The following PCSK6 variants were observed in gnomAD, a reference collection of about 807,000 sequenced individuals.
PCSK6 encodes the protein proprotein convertase subtilisin/kexin type 6, also known as paired basic amino acid cleaving enzyme 4.
PCSK6 carries 85 observed loss-of-function variants against 123.3 expected under a neutral mutation model. That is an observed-to-expected ratio of 0.69 (90% confidence interval 0.58 to 0.83). The LOEUF (loss-of-function observed/expected upper bound fraction) is 0.83, where lower values mean the gene tolerates loss of function less well. Among genes scored for constraint, PCSK6 ranks in the 40% least tolerant of loss-of-function variants. PCSK6 has a pLI of 0.00. For synonymous variants in PCSK6, 508 were observed against 516.0 expected, an observed-to-expected ratio of 0.98 and a Z score of 0.21; for missense variants, 1,191 against 1,282.3, an observed-to-expected ratio of 0.93 and a Z score of 1.09.
intron 9 of PCSK6, 142 bp from the exon 10 acceptor site, chr15:101,384,567 G>A (rs894786262): frequency 5.5e-6 from 3 of 548,538 alleles, no homozygotes; most frequent in African/African-American, 3.8e-5. Context: ...TCCTTGGCAA[G>A]GGTTTATTTC....
chr15:101,316,679 G>C (rs556948671), intron 19 of PCSK6, among the ~76,000 whole-genome samples: 1 of 152,344 alleles, frequency 6.6e-6, no homozygotes, highest in East Asian at 1.9e-4. Context: ...CCCCAGGAGG[G>C]AACTGAGGAG....
chr15:101,452,819 T>G (rs2141179480), intron 1 of PCSK6, among the ~76,000 whole-genome samples: 1 of 150,780 alleles, frequency 6.6e-6, no homozygotes, highest in South Asian at 2.1e-4. Context: ...ACCGGTGGAA[T>G]TCCCCGGTGT....
intron 11 of PCSK6, among the ~76,000 whole-genome samples, chr15:101,380,283 A>T (rs1344911934): frequency 1.3e-5 from 2 of 152,242 alleles, no homozygotes; most frequent in African/African-American, 4.8e-5. Flanking sequence ...CTGCCATCTT[A>T]AAACGATTTC....
chr15:101,488,900 CGCACCG>C (rs1333481730), intron 1 of PCSK6, among the ~76,000 whole-genome samples: 9 of 150,682 alleles, frequency 6.0e-5, no homozygotes, highest in Non-Finnish European at 1.0e-4. Context: ...CCTTGGCGCG[CGCACCG>C]GGTCCGGAGC....
chr15:101,471,974 T>C (rs2057615843), intron 1 of PCSK6, among the ~76,000 whole-genome samples: 1 of 152,186 alleles, frequency 6.6e-6, no homozygotes. Context: ...ACTGAATGAA[T>C]GTATCACATT....
intron 1 of PCSK6, among the ~76,000 whole-genome samples, chr15:101,476,505 A>C (rs2057733456): frequency 6.7e-6 from 1 of 149,674 alleles, no homozygotes; most frequent in Non-Finnish European, 1.5e-5. Context: ...ACTGTTAGTG[A>C]AGAAAACCTA....
In PCSK6 at chr15:101,393,292, A is replaced by AGCCATTCTCGGTG; in HGVS notation, c.1116_1128dup (p.Tyr377HisfsTer28). On this transcript the variant is annotated frameshift_variant, in exon 8 of 22. Coordinates refer to ENST00000611716, the MANE Select transcript of PCSK6 (RefSeq NM_002570.5). LOFTEE classifies it high-confidence loss of function. Reference sequence around the variant, plus strand: ...CACTCTTCCAGGTACCAGGGCTTGTAGCCATTCTCGGTGGCGCTGCTGACG... The same window carrying AGCCATTCTCGGTG: ...CACTCTTCCAGGTACCAGGGCTTGTAGCCATTCTCGGTGGCCATTCTCGGTGGCGCTGCTGACG... The AGCCATTCTCGGTG allele has an allele frequency of 6.2e-7, 1 of 1,612,734 alleles. No homozygotes were observed. The highest frequency in any genetic ancestry group is 8.5e-7 in the Non-Finnish European group (1 of 1,179,500).
At chr15:101,486,647 G>T (rs143133457) in intron 1 of PCSK6, among the ~76,000 whole-genome samples, 1,679 of 152,306 alleles carry the variant, frequency 0.011, 18 homozygotes, top group Middle Eastern at 0.037. Flanking sequence ...TTTATCAGGT[G>T]CTGAAAGGGA....
intron 13 of PCSK6, among the ~76,000 whole-genome samples, chr15:101,332,786 C>T (rs535823689): frequency 6.6e-5 from 10 of 152,344 alleles, no homozygotes; most frequent in African/African-American, 2.4e-4. Flanking sequence ...GGTCCCGCCC[C>T]ACCGACAGCT....
chr15:101,426,517 T>C (rs2056260596), intron 6 of PCSK6, among the ~76,000 whole-genome samples: 1 of 152,214 alleles, frequency 6.6e-6, no homozygotes, highest in Non-Finnish European at 1.5e-5. Context: ...TGACAGAGTC[T>C]CCTGATTTGT....
chr15:101,337,640 T>C (rs529089625), intron 13 of PCSK6, among the ~76,000 whole-genome samples: 26 of 152,344 alleles, frequency 1.7e-4, no homozygotes, highest in African/African-American at 6.0e-4. Context: ...CATTATATCA[T>C]GTTAATCGCA....
intron 6 of PCSK6, among the ~76,000 whole-genome samples, chr15:101,404,298 C>T (rs1025615088): frequency 6.6e-6 from 1 of 152,184 alleles, no homozygotes; most frequent in Non-Finnish European, 1.5e-5. Flanking sequence ...GGCAGAGCCA[C>T]CTCTAGGCCC....
chr15:101,370,473 C>A lies in PCSK6; in HGVS notation c.1583G>T (p.Cys528Phe), dbSNP rs1284588345. Residue 528 changes from cysteine (C) to phenylalanine (F), a missense_variant, in exon 12 of 22, where the codon TGC (cysteine) becomes TTC (phenylalanine). Around this residue, in one of 3 missense-constraint regions of PCSK6, gnomAD observed 630 missense variants for 631.4 expected, o/e 1.00. Transcript: ENST00000611716. ...VLRTTALTSA[C>F]AEHSDQRVVY... ...CACCCGCTGGTCCGAGTGCTCCGCG[C>A]AGGCGCTGGTCAGGGCCGTAGTCCG... 5 of 1,547,846 alleles carry A rather than the reference C, an allele frequency of 3.2e-6. No homozygotes were observed. In the African/African-American group the frequency reaches 4.1e-5, roughly 13 times the overall value.
At chr15:101,387,151 C>G (rs1411115685) in intron 9 of PCSK6, among the ~76,000 whole-genome samples, 1 of 152,350 alleles carries the variant, frequency 6.6e-6, no homozygotes, top group African/African-American at 2.4e-5. Flanking sequence ...CCAGGACTTT[C>G]CCTGCCAGGC....
At chr15:101,325,122 T>A in intron 16 of PCSK6, 76 bp from the exon 17 acceptor site, 4 of 1,085,308 alleles carry the variant, frequency 3.7e-6, no homozygotes, top group Non-Finnish European at 5.2e-6. Context: ...TTGTTTCCTC[T>A]GAGGAAACGA....
chr15:101,412,234 A>T lies in PCSK6; in HGVS notation c.824-13658T>A, dbSNP rs376535235. Among the ~76,000 whole-genome samples the T allele has an allele frequency of 4.7e-4, 72 of 152,338 alleles. 2 individuals are homozygous for T. In the Middle Eastern group the frequency reaches 0.017, roughly 36 times the overall value. On this transcript the variant is annotated intron_variant, in intron 6 of 21. Transcript: ENST00000611716. The stretch of plus-strand genomic sequence containing the variant: ...AGGCTGAAGTCAGGTATAGCCTCAT[A>T]ACATAATGCAAAAATGTACAGGTTT...
At chr15:101,306,446 A>G (rs2039725811) in intron 21 of PCSK6, among the ~76,000 whole-genome samples, 1 of 152,202 alleles carries the variant, frequency 6.6e-6, no homozygotes, top group East Asian at 1.9e-4. Flanking sequence ...TGCCAGCTTC[A>G]TACCCAAGGA....
intron 1 of PCSK6, among the ~76,000 whole-genome samples, chr15:101,483,002 G>C (rs868080989): frequency 6.6e-6 from 1 of 152,206 alleles, no homozygotes; most frequent in African/African-American, 2.4e-5. Flanking sequence ...GGGTGAAGAC[G>C]TCAGATAGGA....
intron 13 of PCSK6, among the ~76,000 whole-genome samples, chr15:101,358,434 T>C (rs186696754): frequency 6.6e-6 from 1 of 152,362 alleles, no homozygotes; most frequent in Non-Finnish European, 1.5e-5. Context: ...GGCACTCCTC[T>C]GGGTCACTGG....
Sources: allele counts gnomAD v4.1 joint callset (sites outside exome capture counted in the v4.1 genomes callset), GRCh38; gene constraint gnomAD v4.1.1; regional missense constraint gnomAD v4.1.1; transcripts MANE v1.5; gene names NCBI Gene and HGNC (gene_info 2026-07-23, HGNC 2026-07-21).